TLN2: variants seen among roughly 807,000 people sequenced by gnomAD.
TLN2 encodes the protein talin-2.
Under a neutral mutation model 294.7 loss-of-function variants are expected in TLN2, and 118 were observed. That is an observed-to-expected ratio of 0.40 (90% confidence interval 0.34 to 0.47). TLN2 has a LOEUF of 0.47. Ranked by LOEUF, TLN2 falls within the 20% of genes least tolerant of loss-of-function variation. The pLI is 0.84. For missense variants in TLN2, 3,083 were observed against 3,282.2 expected (o/e 0.94, Z 1.48); for synonymous variants, 1,431 against 1,304.5 (o/e 1.10, Z -2.09).
At chr15:62,622,292 G>A (rs1216352792) in intron 3 of TLN2, among the ~76,000 whole-genome samples, 8 of 152,206 alleles carry the variant, frequency 5.3e-5, no homozygotes, top group African/African-American at 1.7e-4. Flanking sequence ...AAGGAAAGAA[G>A]TGGAAAAGGG....
Position 62,580,000 on chromosome 15 carries a change from G to T in TLN2, c.-237-9687G>T, listed in dbSNP as rs542739412. 2.6e-5 allele frequency among the ~76,000 whole-genome samples: 4 copies of T among 152,218 alleles called. No individual in the cohort carries two copies. The South Asian group carries it at 6.2e-4, about 24-fold the overall frequency. On this transcript the variant is annotated intron_variant, in intron 1 of 58. Coordinates refer to ENST00000636159, the MANE Select transcript of TLN2 (RefSeq NM_015059.3). Reference sequence around the variant, plus strand: ...CAAAGGATCTCTACCTGGCCAGGAGGATCCCAGATCCTCCATCGCTGCTTC... The same window carrying T: ...CAAAGGATCTCTACCTGGCCAGGAGTATCCCAGATCCTCCATCGCTGCTTC...
chr15:62,771,620 C>G (rs1463802407), intron 42 of TLN2, among the ~76,000 whole-genome samples: 1 of 152,262 alleles, frequency 6.6e-6, no homozygotes, highest in Non-Finnish European at 1.5e-5. Context: ...TGACGACAGC[C>G]TGTCATAGGT....
intron 1 of TLN2, among the ~76,000 whole-genome samples, chr15:62,543,967 C>G (rs1449077312): frequency 6.6e-6 from 1 of 152,086 alleles, no homozygotes; most frequent in Non-Finnish European, 1.5e-5. Flanking sequence ...GGGGCTGGGG[C>G]TGGCGTGGAG....
chr15:62,642,907 G>T (rs2051308161), intron 3 of TLN2, among the ~76,000 whole-genome samples: 1 of 152,056 alleles, frequency 6.6e-6, no homozygotes, highest in Admixed American at 6.5e-5. Flanking sequence ...TCGCCATGTT[G>T]GCCAGGCTGG....
rs920153512 is a variant in TLN2 at position 62,631,609 on chromosome 15, C to G, written c.-37+13134C>G. On this transcript the variant is annotated intron_variant, in intron 3 of 58. Coordinates refer to ENST00000636159, the MANE Select transcript of TLN2 (RefSeq NM_015059.3). ...CTCTTCTTTCACTCTCTCTCTCTCC[C>G]TCTCCCTTCCCTCCTCCCTCCCTTT... 2.6e-4 allele frequency among the ~76,000 whole-genome samples: 38 copies of G among 143,878 alleles called. 1 individual carries two copies. The highest frequency in any genetic ancestry group is 9.5e-4 in the African/African-American group (36 of 37,966). The allele number at this position is 143,878 out of a possible 152,430, so 94.4% of individuals were successfully genotyped here. A position where few individuals can be genotyped will look rare whatever the true frequency, so the allele number is the denominator to read the frequency against.
chr15:62,829,168 TTATATTATATA>T (rs978187813), intron 54 of TLN2: 8 of 748 alleles, frequency 0.011, no homozygotes, highest in East Asian at 0.12. Context: ...ATAATATATA[TTATATTATATA>T]TATATAATAC....
Position 62,840,619 on chromosome 15 carries a change from G to GCCCA in TLN2, c.*10_*13dup. ...GGGAAGATGAGGGCTAAAGGTGCGA[G>GCCCA]CCCAGATGGCGAGCCCCAGGGGATG... On this transcript the variant is annotated 3_prime_UTR_variant, in exon 59 of 59. Transcript: ENST00000636159. The GCCCA allele has an allele frequency of 6.2e-7, 1 of 1,612,566 alleles. No individual in the cohort carries two copies. Among genetic ancestry groups the GCCCA allele is most frequent in the Non-Finnish European group, 8.5e-7 (1 of 1,179,248 alleles).
intron 3 of TLN2, among the ~76,000 whole-genome samples, chr15:62,625,905 G>A (rs1335544701): frequency 2.0e-5 from 3 of 152,174 alleles, no homozygotes; most frequent in African/African-American, 7.2e-5. Context: ...CTGTGTGAGT[G>A]TGCAATAGAG....
intron 1 of TLN2, among the ~76,000 whole-genome samples, chr15:62,433,629 T>G (rs2035135129): frequency 6.6e-6 from 1 of 151,880 alleles, no homozygotes; most frequent in Non-Finnish European, 1.5e-5. Context: ...ACTCACTGGT[T>G]TTTTTCCCCC....
At chr15:62,599,473 G>T (rs370883066) in intron 2 of TLN2, among the ~76,000 whole-genome samples, 7 of 152,284 alleles carry the variant, frequency 4.6e-5, no homozygotes, top group African/African-American at 1.7e-4. Context: ...ATTATACAAA[G>T]ATCAGTAATC....
At chr15:62,618,064 G>A (rs1259233918) in intron 2 of TLN2, among the ~76,000 whole-genome samples, 1 of 151,088 alleles carries the variant, frequency 6.6e-6, no homozygotes, top group Non-Finnish European at 1.5e-5. Context: ...CTCTCAACGT[G>A]TTGAGATTAC....
intron 1 of TLN2, among the ~76,000 whole-genome samples, chr15:62,558,503 T>C (rs568740489): frequency 3.8e-4 from 58 of 152,126 alleles, no homozygotes; most frequent in Non-Finnish European, 7.1e-4. Context: ...GATTCTTAAT[T>C]GGAACAGACC....
chr15:62,691,281 G>A (rs1004176466), intron 12 of TLN2, among the ~76,000 whole-genome samples: 1 of 152,030 alleles, frequency 6.6e-6, no homozygotes, highest in East Asian at 1.9e-4. Flanking sequence ...CTGTTTTTTA[G>A]TTTCTTTTCT....
At chr15:62,809,639 C>CA (rs1269050340) in intron 51 of TLN2, among the ~76,000 whole-genome samples, 1 of 151,926 alleles carries the variant, frequency 6.6e-6, no homozygotes, top group African/African-American at 2.4e-5. Context: ...TTTTGCATTT[C>CA]AAAAAAATGT....
intron 7 of TLN2, among the ~76,000 whole-genome samples, chr15:62,653,756 A>T (rs970689350): frequency 3.6e-5 from 5 of 137,362 alleles, no homozygotes; most frequent in Non-Finnish European, 6.5e-5. Flanking sequence ...ATTAAAAAAA[A>T]AAAAGTAATT....
At chr15:62,626,755 C>G (rs1327745333) in intron 3 of TLN2, among the ~76,000 whole-genome samples, 1 of 152,084 alleles carries the variant, frequency 6.6e-6, no homozygotes, top group Non-Finnish European at 1.5e-5. Context: ...ATTAAGGGCC[C>G]ATTTATTGCT....
At chr15:62,727,037 C>T (rs2060476823) in intron 27 of TLN2, 50 bp from the exon 28 acceptor site, 1 of 1,573,478 alleles carries the variant, frequency 6.4e-7, no homozygotes, top group Non-Finnish European at 8.7e-7. Flanking sequence ...AAGACCTCAG[C>T]AGATGTTCCT....
At chr15:62,648,879 C>G (rs2052247393) in intron 4 of TLN2, among the ~76,000 whole-genome samples, 1 of 150,334 alleles carries the variant, frequency 6.7e-6, no homozygotes, top group South Asian at 2.1e-4. Flanking sequence ...GGGTCTCGCT[C>G]TGTCACTGGA....
At chr15:62,719,685 A>G in intron 24 of TLN2, 82 bp from the exon 25 acceptor site, 1 of 1,171,016 alleles carries the variant, frequency 8.5e-7, no homozygotes, top group Non-Finnish European at 1.2e-6. Context: ...ACATCCAAAA[A>G]GCGCACTTGG....
Sources: allele counts gnomAD v4.1 joint callset (sites outside exome capture counted in the v4.1 genomes callset), GRCh38; gene constraint gnomAD v4.1.1; transcripts MANE v1.5; gene names NCBI Gene and HGNC (gene_info 2026-07-23, HGNC 2026-07-21).